SAMD5: variants seen among roughly 807,000 people sequenced by gnomAD.
The protein encoded by SAMD5 is sterile alpha motif domain-containing protein 5.
In SAMD5, 13 loss-of-function variants were observed where a neutral mutation model predicts 11.3. The observed-to-expected ratio is 1.15, with a 90% CI of 0.75 to 1.83. The LOEUF is 1.83. Among genes scored for constraint, SAMD5 ranks in the 40% most tolerant of loss-of-function variants. The pLI is 0.00. For synonymous variants in SAMD5, 129 were observed against 111.3 expected, an observed-to-expected ratio of 1.16 and a Z score of -1.00; for missense variants, 255 against 239.1, an observed-to-expected ratio of 1.07 and a Z score of -0.44.
intron 1 of SAMD5, among the ~76,000 whole-genome samples, chr6:147,616,535 G>T (rs1205639488): frequency 6.6e-6 from 1 of 151,958 alleles, no homozygotes; most frequent in Non-Finnish European, 1.5e-5. Context: ...GATACTTTCA[G>T]AATATTAATT....
chr6:147,914,158 C>CTTTTTTTTT, the SAMD5 span, among the ~76,000 whole-genome samples: 1 of 132,360 alleles, frequency 7.6e-6, no homozygotes, highest in Non-Finnish European at 1.6e-5. Flanking sequence ...GTTTTTGCGA[C>CTTTTTTTTT]TTTTTTTTTT....
intron 1 of SAMD5, among the ~76,000 whole-genome samples, chr6:147,634,378 A>G (rs2128451627): frequency 6.6e-6 from 1 of 152,174 alleles, no homozygotes; most frequent in East Asian, 1.9e-4. Context: ...TCTCATGAGA[A>G]CTCACTCACT....
At chr6:147,659,244 A>C (rs1289563280) in intron 1 of SAMD5, among the ~76,000 whole-genome samples, 1 of 145,616 alleles carries the variant, frequency 6.9e-6, no homozygotes, top group Non-Finnish European at 1.5e-5. Flanking sequence ...GAAACAGGGC[A>C]TGTTCTCAGT....
chr6:147,805,616 ATGTT>A, the SAMD5 span, among the ~76,000 whole-genome samples: 1 of 152,218 alleles, frequency 6.6e-6, no homozygotes, highest in Non-Finnish European at 1.5e-5. Context: ...GTCCTGCTCT[ATGTT>A]AGATCCTGAA....
intron 1 of SAMD5, among the ~76,000 whole-genome samples, chr6:147,656,423 A>C (rs1388693361): frequency 1.3e-5 from 2 of 152,216 alleles, no homozygotes; most frequent in African/African-American, 2.4e-5. Context: ...GTAAACACCA[A>C]AAGCAAAGAC....
the SAMD5 span, among the ~76,000 whole-genome samples, chr6:147,797,925 AT>A: frequency 1.3e-5 from 2 of 150,594 alleles, no homozygotes; most frequent in Admixed American, 6.6e-5. Flanking sequence ...CCCCTTTATC[AT>A]TTTTTATTGT....
At chr6:147,552,337 T>C (rs186864876) in intron 1 of SAMD5, among the ~76,000 whole-genome samples, 16 of 152,214 alleles carry the variant, frequency 1.1e-4, no homozygotes, top group Admixed American at 2.6e-4. Flanking sequence ...AATGCAAGCA[T>C]GTTATAGTTG....
chr6:147,904,910 C>T, the SAMD5 span, among the ~76,000 whole-genome samples: 5 of 145,238 alleles, frequency 3.4e-5, no homozygotes, highest in South Asian at 8.6e-4. Context: ...TTTTTTGAGG[C>T]GGAGTTTTGC....
downstream of SAMD5, among the ~76,000 whole-genome samples, chr6:147,574,502 T>C (rs1789188500): frequency 6.6e-6 from 1 of 152,156 alleles, no homozygotes; most frequent in Non-Finnish European, 1.5e-5. Context: ...TTGACAAAGT[T>C]CTCAAAAAAG....
At chr6:147,572,678 T>C (rs928687978), downstream of SAMD5, among the ~76,000 whole-genome samples, 2 of 152,172 alleles carry the variant, frequency 1.3e-5, no homozygotes, top group African/African-American at 4.8e-5. Context: ...TATATGCAAT[T>C]AAAACTAATA....
chr6:147,665,982 C>T (rs1488151022), intron 1 of SAMD5, among the ~76,000 whole-genome samples: 3 of 152,140 alleles, frequency 2.0e-5, no homozygotes, highest in Admixed American at 6.5e-5. Context: ...TCTGTTGCCC[C>T]GGTTGGAGTG....
the SAMD5 span, among the ~76,000 whole-genome samples, chr6:147,927,029 G>A: frequency 1.3e-5 from 2 of 152,126 alleles, no homozygotes; most frequent in Admixed American, 1.3e-4. Flanking sequence ...CTATGTGTCT[G>A]TTTTTGTATC....
chr6:147,777,885 T>C, the SAMD5 span, among the ~76,000 whole-genome samples: 22 of 152,220 alleles, frequency 1.4e-4, no homozygotes, highest in Non-Finnish European at 2.6e-4. Context: ...TGTATGTATA[T>C]AGCCCATCAT....
chr6:147,833,237 C>T, the SAMD5 span, among the ~76,000 whole-genome samples: 1 of 152,176 alleles, frequency 6.6e-6, no homozygotes, highest in Non-Finnish European at 1.5e-5. Context: ...TTTAGAGCCT[C>T]ATTTTATACT....
intron 1 of SAMD5, among the ~76,000 whole-genome samples, chr6:147,735,973 A>G (rs1055185008): frequency 6.6e-6 from 1 of 152,080 alleles, no homozygotes; most frequent in African/African-American, 2.4e-5. Flanking sequence ...CTCATCTGTA[A>G]AATGTGACTA....
the SAMD5 span, among the ~76,000 whole-genome samples, chr6:147,748,405 G>A: frequency 6.6e-6 from 1 of 152,162 alleles, no homozygotes; most frequent in Non-Finnish European, 1.5e-5. Context: ...CAAGGAAATA[G>A]TAATAATGCC....
the SAMD5 span, among the ~76,000 whole-genome samples, chr6:147,809,088 G>A: frequency 0.013 from 1,919 of 152,164 alleles, 51 homozygotes; most frequent in African/African-American, 0.043. Context: ...TAAAACAGAC[G>A]TTCATTGCCA....
intron 1 of SAMD5, among the ~76,000 whole-genome samples, chr6:147,589,122 T>G (rs775358525): frequency 6.6e-6 from 1 of 151,956 alleles, no homozygotes; most frequent in Non-Finnish European, 1.5e-5. Context: ...ACCCAGCCAA[T>G]TTTTAAAAAT....
intron 1 of SAMD5, among the ~76,000 whole-genome samples, chr6:147,600,947 A>G (rs1789605894): frequency 6.6e-6 from 1 of 152,230 alleles, no homozygotes; most frequent in African/African-American, 2.4e-5. Flanking sequence ...GAATCCTAAG[A>G]CTTAAAACTA....
Sources: gnomAD v4.1 joint callset for allele counts (sites outside exome capture counted in the v4.1 genomes callset) on GRCh38, gnomAD v4.1.1 for gene constraint, MANE v1.5 for transcripts, NCBI Gene and HGNC (gene_info 2026-07-23, HGNC 2026-07-21) for gene names.